Variants in MYO18A observed in about 807,000 individuals in gnomAD.
The protein encoded by MYO18A is myosin XVIIIA.
MYO18A carries 78 observed loss-of-function variants against 235.8 expected under a neutral mutation model. That is an observed-to-expected ratio of 0.33 (90% confidence interval 0.28 to 0.40). MYO18A has a LOEUF of 0.40. MYO18A is among the 10% of genes least tolerant of loss of function. The pLI is 1.00. For synonymous variants in MYO18A, 977 were observed against 1,077.8 expected, an observed-to-expected ratio of 0.91 and a Z score of 1.83; for missense variants, 2,215 against 2,699.3, an observed-to-expected ratio of 0.82 and a Z score of 3.98.
At position 29,106,052 on chromosome 17, in the gene MYO18A, G is replaced by A. The variant is rs1039584340; in HGVS notation, c.3441+1028C>T. 2.6e-4 allele frequency among the ~76,000 whole-genome samples: 40 copies of A among 152,204 alleles called. No individual in the cohort carries two copies. The highest frequency in any genetic ancestry group is 9.7e-4 in the African/African-American group (40 of 41,436). On this transcript the variant is annotated intron_variant, in intron 20 of 41. Coordinates refer to ENST00000527372, the MANE Select transcript of MYO18A (RefSeq NM_078471.4). The surrounding 1 kb of genome is among the most constrained non-coding windows in gnomAD (Gnocchi z 4.6). ...AAATGGAGTGTGATCCAGAAAGAGAGGTTCTGATGGAGCCAGAGAGCGGGT... is the reference window on the plus strand; with the variant it reads ...AAATGGAGTGTGATCCAGAAAGAGAAGTTCTGATGGAGCCAGAGAGCGGGT...
In MYO18A at chr17:29,090,576, G is replaced by T; in HGVS notation, c.5344C>A (p.Gln1782Lys). The T allele has an allele frequency of 6.2e-7, 1 of 1,601,060 alleles. No individual in the cohort carries two copies. Residue 1782 changes from glutamine to lysine, a missense_variant, in exon 36 of 42, where the codon CAG becomes AAG. By Grantham distance (53) the Gln-to-Lys change is moderately conservative. Transcript: ENST00000527372. Reference sequence around the variant, plus strand: ...TTCTCTTTGTTGGCTTCTTCTAGCTGAGCTTGGAGATCATTTATCTGAGCC... The same window carrying T: ...TTCTCTTTGTTGGCTTCTTCTAGCTTAGCTTGGAGATCATTTATCTGAGCC... ...DLAQINDLQA[Q>K]LEEANKEKQE...
At chr17:29,099,396 GCC>G (rs2066601157) in intron 22 of MYO18A, among the ~76,000 whole-genome samples, 2 of 152,128 alleles carry the variant, frequency 1.3e-5, no homozygotes, top group African/African-American at 4.8e-5. Flanking sequence ...ATGATCCGGA[GCC>G]CACCTTTGCC....
chr17:29,154,657 T>A (rs772256903), intron 2 of MYO18A, among the ~76,000 whole-genome samples: 43 of 152,164 alleles, frequency 2.8e-4, no homozygotes, highest in Non-Finnish European at 1.5e-4. Flanking sequence ...CCCGTGTCCT[T>A]TAGGGAACCT....
intron 19 of MYO18A, among the ~76,000 whole-genome samples, chr17:29,108,118 A>G (rs2066838488): frequency 6.6e-6 from 1 of 152,044 alleles, no homozygotes; most frequent in East Asian, 1.9e-4. Flanking sequence ...ATGAGAAACC[A>G]GGTAAAAAGC....
chr17:29,114,510 A>G (rs2067009458), intron 14 of MYO18A, among the ~76,000 whole-genome samples: 1 of 152,182 alleles, frequency 6.6e-6, no homozygotes, highest in Non-Finnish European at 1.5e-5. Context: ...TTCTCGTCCC[A>G]TCCGGGACAC....
In MYO18A at chr17:29,153,166, A is replaced by G. The variant is rs1360692871; in HGVS notation, c.999+12776T>C. On this transcript the variant is annotated intron_variant, in intron 2 of 41. Transcript: ENST00000527372. ...GAGACAGGGTCTTGCTCTGACACCCAGGATGGACTGCAGTGGTGCAATCAC... is the reference window on the plus strand; with the variant it reads ...GAGACAGGGTCTTGCTCTGACACCCGGGATGGACTGCAGTGGTGCAATCAC... Among the ~76,000 whole-genome samples the G allele has an allele frequency of 9.2e-5, 14 of 152,068 alleles. 1 individual carries two copies. Among genetic ancestry groups the G allele is most frequent in the Admixed American group, 9.2e-4 (14 of 15,262 alleles).
chr17:29,119,511 T>A, intron 7 of MYO18A, 76 bp from the exon 8 acceptor site: 6 of 1,031,632 alleles, frequency 5.8e-6, no homozygotes, highest in Admixed American at 2.4e-5. Context: ...TAAGAAGGAA[T>A]CAAACACATG....
intron 28 of MYO18A, among the ~76,000 whole-genome samples, chr17:29,095,905 GAGCTAAGGGTGCC>G (rs2066508519): frequency 6.6e-6 from 1 of 152,136 alleles, no homozygotes; most frequent in Non-Finnish European, 1.5e-5. Context: ...AAGGGGGGTC[GAGCTAAGGGTGCC>G]AGCCTTTGGG....
chr17:29,073,318 C>T lies in MYO18A; in HGVS notation c.*1452G>A, dbSNP rs2065907835. 1 of 152,688 alleles carries T rather than the reference C, an allele frequency of 6.5e-6. No homozygotes were observed. Among genetic ancestry groups the T allele is most frequent in the African/African-American group, 2.4e-5 (1 of 41,444 alleles). 9.5% of individuals were successfully genotyped at this position (152,688 alleles called of 1,614,324 possible). A position where few individuals can be genotyped will look rare whatever the true frequency, so the allele number is the denominator to read the frequency against. Reference sequence around the variant, plus strand: ...GGGCTTGTGTCTTCCTTGGCCAATCCCCTCATTCCACTACCTCTGCCTGCC... The same window carrying T: ...GGGCTTGTGTCTTCCTTGGCCAATCTCCTCATTCCACTACCTCTGCCTGCC... On this transcript the variant is annotated 3_prime_UTR_variant, in exon 42 of 42. Transcript: ENST00000527372.
At chr17:29,080,958 C>G in intron 41 of MYO18A, 7 of 985,486 alleles carry the variant, frequency 7.1e-6, no homozygotes, top group Non-Finnish European at 8.4e-6. Flanking sequence ...AGCTCACCAC[C>G]GAGGACGGCC....
chr17:29,098,409 C>T lies in MYO18A; in HGVS notation c.3817G>A (p.Ala1273Thr). The T allele has an allele frequency of 6.2e-7, 1 of 1,613,976 alleles. No individual in the cohort carries two copies. The change falls in exon 24 of 42, where the codon GCG (alanine) becomes ACG (threonine). Residue 1273 changes from alanine to threonine, a missense_variant. Physicochemically the swap from Ala to Thr is moderately conservative, Grantham distance 58. Transcript: ENST00000527372. ...IQQLRSKLEKAEKERNELRLN... is the reference protein window; with the variant it reads ...IQQLRSKLEKTEKERNELRLN... ...CGCAGCTCGTTCCTCTCCTTCTCCG[C>T]CTTCTCGAGCTTGCTCCGCAGCTGC...
chr17:29,093,884 G>A lies in MYO18A; in HGVS notation c.4821+96C>T, dbSNP rs146981555. Reference sequence around the variant, plus strand: ...CTGGCCCAGAATGACAATGGAAGACGATGTGGCTGAGGTAGGGAGGTGGAA... The same window carrying A: ...CTGGCCCAGAATGACAATGGAAGACAATGTGGCTGAGGTAGGGAGGTGGAA... On this transcript the variant is annotated intron_variant, in intron 31 of 41. Coordinates refer to ENST00000527372, the MANE Select transcript of MYO18A (RefSeq NM_078471.4). 4 of 833,838 alleles carry A rather than the reference G, an allele frequency of 4.8e-6. No individual in the cohort carries two copies. The Admixed American group carries it at 7.1e-5, about 15-fold the overall frequency. 51.7% of individuals were successfully genotyped at this position (833,838 alleles called of 1,614,324 possible).
intron 2 of MYO18A, among the ~76,000 whole-genome samples, chr17:29,145,699 C>T (rs1412300650): frequency 6.6e-6 from 1 of 152,142 alleles, no homozygotes; most frequent in African/African-American, 2.4e-5. Context: ...TAATTTAGTT[C>T]TTGTTTTCAA....
Position 29,140,915 on chromosome 17 carries a change from G to A in MYO18A, c.1000-18662C>T, listed in dbSNP as rs2067725271. Among the ~76,000 whole-genome samples the A allele has an allele frequency of 6.6e-6, 1 of 152,222 alleles. No individual in the cohort carries two copies. Among genetic ancestry groups the A allele is most frequent in the Admixed American group, 6.5e-5 (1 of 15,286 alleles). On this transcript the variant is annotated intron_variant, in intron 2 of 41. Coordinates refer to ENST00000527372, the MANE Select transcript of MYO18A (RefSeq NM_078471.4). This position sits in a 1 kb window ranked among gnomAD's most constrained non-coding sequence, Gnocchi z 4.2. ...ATCTAATTACTGCGGCAGAGGCCAAGACAGCCACTAACGTCACATCCAAGA... is the reference window on the plus strand; with the variant it reads ...ATCTAATTACTGCGGCAGAGGCCAAAACAGCCACTAACGTCACATCCAAGA...
chr17:29,169,569 T>C (rs2068356411), intron 1 of MYO18A, among the ~76,000 whole-genome samples: 2 of 152,112 alleles, frequency 1.3e-5, no homozygotes, highest in South Asian at 4.1e-4. Context: ...GGCACAGACC[T>C]ACCATAAACC....
At chr17:29,170,305 C>T (rs1255584017) in intron 1 of MYO18A, among the ~76,000 whole-genome samples, 3 of 152,218 alleles carry the variant, frequency 2.0e-5, no homozygotes, top group Admixed American at 1.3e-4. Context: ...ACCTCTTCCC[C>T]ACTGCCATCC....
chr17:29,125,416 T>C lies in MYO18A; in HGVS notation c.1000-3163A>G, dbSNP rs1421320466. Among the ~76,000 whole-genome samples, 1 of 152,218 alleles carries C rather than the reference T, an allele frequency of 6.6e-6. No individual in the cohort carries two copies. Among genetic ancestry groups the C allele is most frequent in the Non-Finnish European group, 1.5e-5 (1 of 68,032 alleles). ...GCAAAGGCACTGTGGGCAAACCCTG[T>C]GGCCAGCCGTGACCTCTCTGGTTAC... On this transcript the variant is annotated intron_variant, in intron 2 of 41. Coordinates refer to ENST00000527372, the MANE Select transcript of MYO18A (RefSeq NM_078471.4). This position sits in a 1 kb window ranked among gnomAD's most constrained non-coding sequence, Gnocchi z 5.1.
At position 29,080,065 on chromosome 17, in the gene MYO18A, C is replaced by A. The variant is rs1189003488; in HGVS notation, c.6020+2251G>T. The A allele has an allele frequency of 3.0e-6, 3 of 985,940 alleles. No individual in the cohort carries two copies. The East Asian group carries it at 3.4e-4, about 112-fold the overall frequency. The allele number at this position is 985,940 out of a possible 1,614,324, so 61.1% of individuals were successfully genotyped here. A position where few individuals can be genotyped will look rare whatever the true frequency, so the allele number is the denominator to read the frequency against. ...GGAGCTGCTCCTTCCGCTCCTTCGC[C>A]GGCTCCGGCTCTTCCGGCCGCTGCG... On this transcript the variant is annotated intron_variant, in intron 41 of 41. Transcript: ENST00000527372.
intron 2 of MYO18A, among the ~76,000 whole-genome samples, chr17:29,123,288 G>A (rs533271048): frequency 1.1e-4 from 16 of 152,182 alleles, no homozygotes; most frequent in South Asian, 1.0e-3. Context: ...AGGTCATCCC[G>A]TGCCCCGGGT....
Sources: gnomAD v4.1 joint callset for allele counts (sites outside exome capture counted in the v4.1 genomes callset) on GRCh38, gnomAD v4.1.1 for gene constraint, Gnocchi (gnomAD v3.1) non-coding constraint, MANE v1.5 for transcripts, NCBI Gene and HGNC (gene_info 2026-07-23, HGNC 2026-07-21) for gene names.